PIP4K2A: variants seen among roughly 807,000 people sequenced by gnomAD.
The protein encoded by PIP4K2A is phosphatidylinositol 5-phosphate 4-kinase type-2 alpha.
In PIP4K2A, 14 loss-of-function variants were observed where a neutral mutation model predicts 42.9. The observed-to-expected ratio is 0.33, with a 90% CI of 0.22 to 0.51. The LOEUF is 0.51. Among genes scored for constraint, PIP4K2A ranks in the 20% least tolerant of loss-of-function variants. The pLI, the probability that PIP4K2A is intolerant of heterozygous loss-of-function variation, is 0.97. For missense variants in PIP4K2A, 434 were observed against 519.8 expected (o/e 0.83, Z 1.61); for synonymous variants, 192 against 192.2 (o/e 1.00, Z 0.01).
At chr10:22,631,475 C>T (rs1564449341) in intron 1 of PIP4K2A, among the ~76,000 whole-genome samples, 1 of 152,176 alleles carries the variant, frequency 6.6e-6, no homozygotes, top group Non-Finnish European at 1.5e-5. Context: ...GACCCCTCAC[C>T]AGAAACCGAA....
chr10:22,627,554 T>C (rs917672047), intron 1 of PIP4K2A, among the ~76,000 whole-genome samples: 4 of 83,484 alleles, frequency 4.8e-5, no homozygotes, highest in South Asian at 3.8e-4. Context: ...ATACTGAAAA[T>C]AGACCTGCAT....
At chr10:22,555,101 C>G (rs371728171) in intron 6 of PIP4K2A, among the ~76,000 whole-genome samples, 1 of 152,222 alleles carries the variant, frequency 6.6e-6, no homozygotes, top group African/African-American at 2.4e-5. Flanking sequence ...GCTTCCCGTT[C>G]GGATAAAATG....
At position 22,536,966 on chromosome 10, in the gene PIP4K2A, C is replaced by G. The variant is rs201549385; in HGVS notation, c.*235G>C. 8.8e-6 allele frequency: 2 copies of G among 227,038 alleles called. No homozygotes were observed. Among genetic ancestry groups the G allele is most frequent in the Middle Eastern group, 1.0e-3 (1 of 974 alleles). 14.1% of individuals were successfully genotyped at this position (227,038 alleles called of 1,614,324 possible). A position where few individuals can be genotyped will look rare whatever the true frequency, so the allele number is the denominator to read the frequency against. On this transcript the variant is annotated 3_prime_UTR_variant, in exon 10 of 10. Transcript: ENST00000376573. ...ACGCGCGCACACACTCACCCCCCCC[C>G]AACACACACACACACACATATACAC...
chr10:22,686,817 T>C (rs1026085271), intron 1 of PIP4K2A, among the ~76,000 whole-genome samples: 7 of 152,104 alleles, frequency 4.6e-5, no homozygotes, highest in African/African-American at 1.4e-4. Context: ...TGGTACAAAG[T>C]AGGTAACATT....
chr10:22,647,110 T>C (rs1477361104), intron 1 of PIP4K2A, among the ~76,000 whole-genome samples: 1 of 152,220 alleles, frequency 6.6e-6, no homozygotes, highest in Non-Finnish European at 1.5e-5. Context: ...TGAGGCTTTA[T>C]TGCTCTCTGG....
chr10:22,577,010 G>A (rs151330494), intron 4 of PIP4K2A, among the ~76,000 whole-genome samples: 1,930 of 151,046 alleles, frequency 0.013, 25 homozygotes, highest in Middle Eastern at 0.065. Flanking sequence ...TTTGGGAGGC[G>A]GAGGCTGCAG....
intron 1 of PIP4K2A, among the ~76,000 whole-genome samples, chr10:22,640,362 C>T (rs1396170145): frequency 6.6e-6 from 1 of 152,144 alleles, no homozygotes; most frequent in Non-Finnish European, 1.5e-5. Context: ...CAATCAGGTG[C>T]TCTTTCTGCA....
At chr10:22,681,657 A>G (rs1437996848) in intron 1 of PIP4K2A, among the ~76,000 whole-genome samples, 3 of 152,210 alleles carry the variant, frequency 2.0e-5, no homozygotes, top group Non-Finnish European at 4.4e-5. Context: ...CCTGTGTGAC[A>G]GAGCAAGACC....
At chr10:22,627,625 A>AAAAAAAAAAAAAAAAAAAAAAAC (rs1838473262) in intron 1 of PIP4K2A, among the ~76,000 whole-genome samples, 1 of 131,496 alleles carries the variant, frequency 7.6e-6, no homozygotes, top group Non-Finnish European at 1.6e-5. Context: ...AAAAAAAAAA[A>AAAAAAAAAAAAAAAAAAAAAAAC]AAAAAAGATA....
chr10:22,553,231 G>A (rs1588620731), intron 6 of PIP4K2A, among the ~76,000 whole-genome samples: 2 of 152,312 alleles, frequency 1.3e-5, no homozygotes, highest in Middle Eastern at 6.8e-3. Context: ...TCCTGGCAGG[G>A]CAGCTGCCAG....
rs554634182 is a variant in PIP4K2A, at chr10:22,560,376, G to A, written c.678+7475C>T. On this transcript the variant is annotated intron_variant, in intron 6 of 9. Coordinates refer to ENST00000376573, the MANE Select transcript of PIP4K2A (RefSeq NM_005028.5). Reference sequence around the variant, plus strand: ...ACCTCACTTCAATGGCAGCCCAGATGACCAGATAGGGGTAGTAATTAATTA... The same window carrying A: ...ACCTCACTTCAATGGCAGCCCAGATAACCAGATAGGGGTAGTAATTAATTA... 1.5e-4 allele frequency among the ~76,000 whole-genome samples: 23 copies of A among 152,198 alleles called. 1 individual carries two copies. The South Asian group carries it at 4.8e-3, about 32-fold the overall frequency.
At chr10:22,664,192 CATATATATATACATATATATATAT>C (rs1839298376) in intron 1 of PIP4K2A, among the ~76,000 whole-genome samples, 1 of 55,494 alleles carries the variant, frequency 1.8e-5, no homozygotes, top group East Asian at 3.9e-4. Flanking sequence ...CATATATATA[CATATATATATACATATATATATAT>C]ACATATATAT....
At chr10:22,566,708 C>T (rs192253421) in intron 6 of PIP4K2A, among the ~76,000 whole-genome samples, 218 of 152,262 alleles carry the variant, frequency 1.4e-3, no homozygotes, top group African/African-American at 4.8e-3. Context: ...TTGCACCTGC[C>T]GCTCTTCCTC....
intron 6 of PIP4K2A, among the ~76,000 whole-genome samples, chr10:22,555,920 G>C (rs1337576781): frequency 6.7e-6 from 1 of 149,628 alleles, no homozygotes; most frequent in African/African-American, 2.5e-5. Context: ...AAAATCACAA[G>C]AAAATCTCAT....
At chr10:22,618,511 T>A (rs1564445083) in intron 1 of PIP4K2A, among the ~76,000 whole-genome samples, 1 of 152,226 alleles carries the variant, frequency 6.6e-6, no homozygotes, top group Non-Finnish European at 1.5e-5. Context: ...CCTGCAGTTG[T>A]GATCAGAACT....
chr10:22,680,209 T>C (rs1005916562), intron 1 of PIP4K2A, among the ~76,000 whole-genome samples: 3 of 152,136 alleles, frequency 2.0e-5, no homozygotes, highest in East Asian at 1.9e-4. Context: ...GCTGTGGTCA[T>C]TAAAAATTAT....
At chr10:22,615,157 A>G (rs1249041853) in intron 1 of PIP4K2A, among the ~76,000 whole-genome samples, 1 of 152,098 alleles carries the variant, frequency 6.6e-6, no homozygotes, top group African/African-American at 2.4e-5. Flanking sequence ...CTCAGGCTGG[A>G]GTGCAGGGGC....
At chr10:22,704,750 T>C (rs550620869) in intron 1 of PIP4K2A, among the ~76,000 whole-genome samples, 36 of 152,086 alleles carry the variant, frequency 2.4e-4, no homozygotes, top group East Asian at 3.9e-4. Flanking sequence ...TAGTTTATTT[T>C]GCTTTCAAGA....
At chr10:22,670,873 C>T (rs149511937) in intron 1 of PIP4K2A, among the ~76,000 whole-genome samples, 32 of 152,208 alleles carry the variant, frequency 2.1e-4, no homozygotes, top group South Asian at 2.1e-4. Context: ...AAGTGTGACA[C>T]TAGAAACTAT....
Sources: allele counts gnomAD v4.1 joint callset (sites outside exome capture counted in the v4.1 genomes callset), GRCh38; gene constraint gnomAD v4.1.1; transcripts MANE v1.5; gene names NCBI Gene and HGNC (gene_info 2026-07-23, HGNC 2026-07-21).